The following CDKAL1 variants were observed in gnomAD, a reference collection of about 807,000 sequenced individuals.
CDKAL1 encodes CDKAL1 threonylcarbamoyladenosine tRNA methylthiotransferase.
CDKAL1 carries 32 observed loss-of-function variants against 68.2 expected under a neutral mutation model. The observed-to-expected ratio is 0.47, with a 90% CI of 0.35 to 0.63. The LOEUF (loss-of-function observed/expected upper bound fraction) is 0.63. Among genes scored for constraint, CDKAL1 ranks in the 30% least tolerant of loss-of-function variants. The pLI is 0.00. For synonymous variants in CDKAL1, 234 were observed against 244.3 expected (o/e 0.96, Z 0.39); for missense variants, 606 against 696.7 (o/e 0.87, Z 1.47).
intron 8 of CDKAL1, among the ~76,000 whole-genome samples, chr6:20,809,315 T>C (rs1356341217): frequency 1.3e-5 from 2 of 152,208 alleles, no homozygotes; most frequent in African/African-American, 4.8e-5. Context: ...TCACTTAATA[T>C]GTTGAAGAAT....
Position 21,106,832 on chromosome 6 carries a change from T to C in CDKAL1, c.1237-1569T>C, listed in dbSNP as rs1582210108. Among the ~76,000 whole-genome samples the C allele has an allele frequency of 2.0e-5, 3 of 152,062 alleles. No homozygotes were observed. In the South Asian group the frequency reaches 6.2e-4, roughly 31 times the overall value. On this transcript the variant is annotated intron_variant, in intron 12 of 15. Transcript: ENST00000274695. ...TAGAATGACCTCTTTTCTTTGAAAG[T>C]AGTAATCAATGTTTGTGTTTGTGTG...
At chr6:20,778,781 G>T (rs935073449) in intron 7 of CDKAL1, among the ~76,000 whole-genome samples, 3 of 152,158 alleles carry the variant, frequency 2.0e-5, no homozygotes, top group Admixed American at 1.3e-4. Flanking sequence ...CAGTCAGGAG[G>T]AGCTCACTTT....
intron 8 of CDKAL1, among the ~76,000 whole-genome samples, chr6:20,796,769 A>T (rs904148264): frequency 6.6e-6 from 1 of 152,244 alleles, no homozygotes; most frequent in Non-Finnish European, 1.5e-5. Context: ...GTACTGGAGC[A>T]GTTGGGTATC....
At position 21,075,068 on chromosome 6, in the gene CDKAL1, T is replaced by A. The variant is rs186314099; in HGVS notation, c.1236+9840T>A. Among the ~76,000 whole-genome samples, 387 of 152,286 alleles carry A rather than the reference T, an allele frequency of 2.5e-3. 3 individuals are homozygous for A. The highest frequency in any genetic ancestry group is 8.8e-3 in the African/African-American group (367 of 41,566). ...TATTGTGTGCCAATTGTAAATTTTT[T>A]AAAAATCAATAATGAAAGTAGATGC... On this transcript the variant is annotated intron_variant, in intron 12 of 15. Coordinates refer to ENST00000274695, the MANE Select transcript of CDKAL1 (RefSeq NM_017774.3).
At chr6:20,557,057 A>C (rs1205043945) in intron 4 of CDKAL1, among the ~76,000 whole-genome samples, 1 of 133,532 alleles carries the variant, frequency 7.5e-6, no homozygotes, top group African/African-American at 2.5e-5. Flanking sequence ...AAAAAAATAA[A>C]TAAATAAATA....
At chr6:20,578,699 A>C (rs957243695) in intron 4 of CDKAL1, among the ~76,000 whole-genome samples, 3 of 151,934 alleles carry the variant, frequency 2.0e-5, no homozygotes, top group African/African-American at 7.3e-5. Flanking sequence ...GTGTTTTGTG[A>C]TTGTTTGTTT....
At chr6:20,706,101 A>G (rs1771583064) in intron 5 of CDKAL1, among the ~76,000 whole-genome samples, 1 of 152,176 alleles carries the variant, frequency 6.6e-6, no homozygotes, top group African/African-American at 2.4e-5. Context: ...ACAGGACAAT[A>G]GGAGAGGTGG....
intron 2 of CDKAL1, among the ~76,000 whole-genome samples, chr6:20,542,522 G>A (rs746206946): frequency 4.6e-5 from 7 of 152,186 alleles, no homozygotes; most frequent in Non-Finnish European, 1.0e-4. Flanking sequence ...CTTGCCTTGT[G>A]TCTGGATATA....
chr6:20,566,244 G>A (rs1055334398), intron 4 of CDKAL1, among the ~76,000 whole-genome samples: 4 of 152,130 alleles, frequency 2.6e-5, no homozygotes, highest in Admixed American at 1.3e-4. Context: ...ATTTTGCCTG[G>A]TTCCTTTAGA....
At chr6:20,695,113 T>G (rs1771053293) in intron 5 of CDKAL1, among the ~76,000 whole-genome samples, 1 of 152,156 alleles carries the variant, frequency 6.6e-6, no homozygotes, top group African/African-American at 2.4e-5. Flanking sequence ...TTTAATGCAG[T>G]GCTGCTGCTT....
At chr6:20,706,074 C>A (rs1355198397) in intron 5 of CDKAL1, among the ~76,000 whole-genome samples, 3 of 152,126 alleles carry the variant, frequency 2.0e-5, no homozygotes, top group Admixed American at 1.3e-4. Flanking sequence ...CTTGACCACG[C>A]ATTTGGTCCA....
chr6:20,712,807 G>C (rs1024291815), intron 5 of CDKAL1, among the ~76,000 whole-genome samples: 6 of 152,070 alleles, frequency 3.9e-5, no homozygotes, highest in Non-Finnish European at 7.4e-5. Flanking sequence ...ACCATGCCCA[G>C]CTAAGTTTTT....
At chr6:20,588,388 C>T (rs927227150) in intron 4 of CDKAL1, among the ~76,000 whole-genome samples, 10 of 152,174 alleles carry the variant, frequency 6.6e-5, no homozygotes, top group Admixed American at 2.0e-4. Flanking sequence ...TAGCAGCCTA[C>T]GCTACTCATT....
At chr6:20,876,147 G>C (rs1339422417) in intron 9 of CDKAL1, among the ~76,000 whole-genome samples, 2 of 152,244 alleles carry the variant, frequency 1.3e-5, no homozygotes, top group Non-Finnish European at 2.9e-5. Context: ...ACCAGCTGCT[G>C]CTGGGGTTTT....
intron 11 of CDKAL1, among the ~76,000 whole-genome samples, chr6:21,033,278 G>A (rs115210954): frequency 0.01 from 1,533 of 152,280 alleles, 30 homozygotes; most frequent in African/African-American, 0.035. Flanking sequence ...GACCATTGAT[G>A]AGATCAGCAC....
intron 9 of CDKAL1, among the ~76,000 whole-genome samples, chr6:20,886,292 A>G (rs1581764389): frequency 6.6e-6 from 1 of 152,224 alleles, no homozygotes; most frequent in African/African-American, 2.4e-5. Flanking sequence ...AATAGTAGCA[A>G]TGTAAAATGG....
chr6:20,781,597 G>T (rs972724443), intron 8 of CDKAL1, among the ~76,000 whole-genome samples: 1 of 151,950 alleles, frequency 6.6e-6, no homozygotes, highest in South Asian at 2.1e-4. Flanking sequence ...TGTCATATTC[G>T]ACTGTTTTTT....
intron 8 of CDKAL1, among the ~76,000 whole-genome samples, chr6:20,789,429 G>T (rs1775808366): frequency 6.6e-6 from 1 of 152,174 alleles, no homozygotes; most frequent in South Asian, 2.1e-4. Context: ...TGCTTTTAAA[G>T]AGAGCAGCTC....
At chr6:20,575,352 C>CTG (rs776402985) in intron 4 of CDKAL1, among the ~76,000 whole-genome samples, 103 of 148,350 alleles carry the variant, frequency 6.9e-4, no homozygotes, top group Middle Eastern at 3.5e-3. Flanking sequence ...CACAAAAAAC[C>CTG]TGTTAGAATT....
Sources: allele counts gnomAD v4.1 joint callset (sites outside exome capture counted in the v4.1 genomes callset), GRCh38; gene constraint gnomAD v4.1.1; transcripts MANE v1.5; gene names NCBI Gene and HGNC (gene_info 2026-07-23, HGNC 2026-07-21).